Variants in PM20D2 observed in about 807,000 individuals in gnomAD.
PM20D2 encodes the protein peptidase M20 domain containing 2, also known as xaa-Arg dipeptidase.
A neutral mutation model predicts 42.9 loss-of-function variants in PM20D2; 33 were observed. The observed-to-expected ratio is 0.77, with a 90% CI of 0.58 to 1.03. The LOEUF is 1.03. Ranked by LOEUF, PM20D2 falls within the 50% of genes least tolerant of loss-of-function variation. PM20D2 has a pLI of 0.00. For synonymous variants in PM20D2, 250 were observed against 228.2 expected (o/e 1.10, Z -0.86); for missense variants, 548 against 557.0 (o/e 0.98, Z 0.16).
chr6:89,149,190 T>C, intron 1 of PM20D2, 75 bp from the exon 2 acceptor site: 2 of 1,515,080 alleles, frequency 1.3e-6, no homozygotes, highest in Non-Finnish European at 1.8e-6. Flanking sequence ...TGTGAATACA[T>C]ATGCAGGTGA....
chr6:89,106,975 G>T, the PM20D2 span: 1 of 663,288 alleles, frequency 1.5e-6, no homozygotes, highest in South Asian at 1.5e-5. Flanking sequence ...TAGCTAACAG[G>T]TTGGTTCAAA....
rs756615899 is a variant in PM20D2, at chr6:89,146,253, C to A, written c.109C>A (p.Arg37=). ...SAECIDEAAE[R]LGALSRAIWS... The stretch of plus-strand genomic sequence containing the variant: ...GGAGTGCATCGACGAGGCGGCCGAG[C>A]GGCTGGGGGCCCTGAGCCGCGCGAT... Residue 37 remains arginine, a synonymous_variant, in exon 1 of 7, where the codon CGG becomes AGG. Transcript: ENST00000275072. The A allele has an allele frequency of 5.1e-6, 8 of 1,577,662 alleles. No individual in the cohort carries two copies. The East Asian group carries it at 1.4e-4, about 27-fold the overall frequency.
At chr6:89,137,045 TAA>T in the PM20D2 span, among the ~76,000 whole-genome samples, 1 of 151,292 alleles carries the variant, frequency 6.6e-6, no homozygotes, top group Non-Finnish European at 1.5e-5. Flanking sequence ...TGATTCTCTA[TAA>T]AGTGTTATAA....
intron 4 of PM20D2, among the ~76,000 whole-genome samples, chr6:89,158,079 G>A (rs1771111493): frequency 6.6e-6 from 1 of 152,146 alleles, no homozygotes; most frequent in Non-Finnish European, 1.5e-5. Context: ...TTGGTAGCTA[G>A]TATAGAGCTT....
chr6:89,108,942 A>G, the PM20D2 span, among the ~76,000 whole-genome samples: 2 of 152,226 alleles, frequency 1.3e-5, no homozygotes, highest in South Asian at 4.1e-4. Context: ...ACTTTATTTC[A>G]TTTAACACTC....
chr6:89,154,669 C>T (rs1181414091), intron 3 of PM20D2, 79 bp from the exon 4 acceptor site: 9 of 1,027,042 alleles, frequency 8.8e-6, no homozygotes, highest in African/African-American at 1.7e-5. Flanking sequence ...AACATATTGG[C>T]TGAAAAACTT....
chr6:89,095,708 G>A, the PM20D2 span, among the ~76,000 whole-genome samples: 2 of 152,090 alleles, frequency 1.3e-5, no homozygotes, highest in Non-Finnish European at 2.9e-5. Flanking sequence ...AATTAAATCC[G>A]AGGCTCCAAA....
chr6:89,139,076 T>G, the PM20D2 span, among the ~76,000 whole-genome samples: 1 of 152,128 alleles, frequency 6.6e-6, no homozygotes, highest in Non-Finnish European at 1.5e-5. Context: ...ATGAAGCTTT[T>G]GAGGAACATT....
chr6:89,110,457 G>A, the PM20D2 span, among the ~76,000 whole-genome samples: 12 of 152,150 alleles, frequency 7.9e-5, no homozygotes, highest in Middle Eastern at 3.4e-3. Flanking sequence ...GGAGGGAGGC[G>A]ACCAATTAGA....
intron 2 of PM20D2, 41 bp downstream of exon 2, chr6:89,149,454 A>G: frequency 6.3e-7 from 1 of 1,598,040 alleles, no homozygotes; most frequent in African/African-American, 1.3e-5. Context: ...AGGGGAACAC[A>G]GGCTATAGAA....
the PM20D2 span, among the ~76,000 whole-genome samples, chr6:89,104,016 T>TTTTTTG: frequency 1.4e-5 from 1 of 69,854 alleles, no homozygotes; most frequent in African/African-American, 4.7e-5. Flanking sequence ...TTTTTTTTTT[T>TTTTTTG]TGGAGAGACG....
chr6:89,099,714 C>T, the PM20D2 span, among the ~76,000 whole-genome samples: 343 of 151,884 alleles, frequency 2.3e-3, 2 homozygotes, highest in African/African-American at 7.8e-3. Flanking sequence ...TTTGTATTTT[C>T]AGTAGAGATG....
intron 4 of PM20D2, among the ~76,000 whole-genome samples, chr6:89,155,994 C>T (rs371571086): frequency 7.9e-5 from 12 of 151,976 alleles, no homozygotes; most frequent in African/African-American, 1.7e-4. Context: ...AAACAATTCT[C>T]CTGCCTCAGC....
At chr6:89,133,584 A>G in the PM20D2 span, among the ~76,000 whole-genome samples, 1 of 151,026 alleles carries the variant, frequency 6.6e-6, no homozygotes, top group Admixed American at 6.6e-5. Flanking sequence ...CCTTGCCTGT[A>G]GATATGAATA....
rs1046019 is a variant in PM20D2 at position 89,164,824 on chromosome 6, C to T, written c.*2561C>T. On this transcript the variant is annotated 3_prime_UTR_variant, in exon 7 of 7. Coordinates refer to ENST00000275072, the MANE Select transcript of PM20D2 (RefSeq NM_001010853.3). ...ATAAATTGTTTGTGAAAAGTGTGCT[C>T]AACTTTTTTACAAGAGTGATATTAA... 6.7e-6 allele frequency: 1 copy of T among 149,580 alleles called. No individual in the cohort carries two copies. Among genetic ancestry groups the T allele is most frequent in the Admixed American group, 6.7e-5 (1 of 14,896 alleles). 9.3% of individuals were successfully genotyped at this position (149,580 alleles called of 1,614,324 possible). A position where few individuals can be genotyped will look rare whatever the true frequency, so the allele number is the denominator to read the frequency against.
the PM20D2 span, among the ~76,000 whole-genome samples, chr6:89,115,631 C>CTTTTTTTTTTTT: frequency 4.7e-5 from 6 of 129,002 alleles, no homozygotes; most frequent in African/African-American, 9.3e-5. Context: ...TTTTTTCTTT[C>CTTTTTTTTTTTT]TTTTTTTTTT....
rs1290392427 is a variant in PM20D2, at chr6:89,154,992, A to G, written c.912+90A>G. 4 of 1,155,132 alleles carry G rather than the reference A, an allele frequency of 3.5e-6. No individual in the cohort carries two copies. In the African/African-American group the frequency reaches 6.4e-5, roughly 18 times the overall value. The allele number at this position is 1,155,132 out of a possible 1,614,324, so 71.6% of individuals were successfully genotyped here. The stretch of plus-strand genomic sequence containing the variant: ...GATTGAAATCTAACTTGACTCTCTT[A>G]TTTGGTGACATGTTGAATATGCAAA... On this transcript the variant is annotated intron_variant, in intron 4 of 6. Coordinates refer to ENST00000275072, the MANE Select transcript of PM20D2 (RefSeq NM_001010853.3).
chr6:89,157,046 G>C (rs1393312544), intron 4 of PM20D2, among the ~76,000 whole-genome samples: 1 of 151,902 alleles, frequency 6.6e-6, no homozygotes, highest in African/African-American at 2.4e-5. Flanking sequence ...TTCCCTTATG[G>C]TAAGGTTTGT....
chr6:89,141,925 T>TC (rs1233149320), upstream of PM20D2, among the ~76,000 whole-genome samples: 1 of 150,552 alleles, frequency 6.6e-6, no homozygotes. Flanking sequence ...AACCTCAGCC[T>TC]CCAGAGGAGC....
Sources: gnomAD v4.1 joint callset for allele counts (sites outside exome capture counted in the v4.1 genomes callset) on GRCh38, gnomAD v4.1.1 for gene constraint, MANE v1.5 for transcripts, NCBI Gene and HGNC (gene_info 2026-07-23, HGNC 2026-07-21) for gene names.